Variants in CES1 observed in about 807,000 individuals in gnomAD.
CES1 encodes liver carboxylesterase 1.
In CES1, 50 loss-of-function variants were observed where a neutral mutation model predicts 53.0. The ratio of observed to expected loss-of-function variants is 0.94; its 90% CI spans 0.75 to 1.19. CES1 has a LOEUF of 1.19. Ranked by LOEUF, CES1 falls within the 50% of genes most tolerant of loss-of-function variation. The pLI is 0.00. For missense variants in CES1, 534 were observed against 538.0 expected (o/e 0.99, Z 0.07); for synonymous variants, 202 against 210.1 (o/e 0.96, Z 0.33).
Position 55,833,094 on chromosome 16 carries a change from T to G in CES1, c.-39A>C. The G allele has an allele frequency of 2.1e-6, 3 of 1,434,416 alleles. No individual in the cohort carries two copies. Among genetic ancestry groups the G allele is most frequent in the Non-Finnish European group, 2.9e-6 (3 of 1,043,578 alleles). The allele number at this position is 1,434,416 out of a possible 1,614,324, so 88.9% of individuals were successfully genotyped here. On this transcript the variant is annotated 5_prime_UTR_variant, in exon 1 of 14. Transcript: ENST00000360526. ...CAGTTCTCGGGGCCTGCGAGGTCTCTGTGCAGTTCAGAGGGACTGTGCTGT... is the reference window on the plus strand; with the variant it reads ...CAGTTCTCGGGGCCTGCGAGGTCTCGGTGCAGTTCAGAGGGACTGTGCTGT...
At chr16:55,816,836 C>T (rs1445564744) in intron 8 of CES1, 88 bp downstream of exon 8, 2 of 1,446,654 alleles carry the variant, frequency 1.4e-6, no homozygotes, top group Admixed American at 1.7e-5. Context: ...CTATAATTAC[C>T]CAAGAGATGA....
chr16:55,828,217 G>C (rs1169013482), intron 2 of CES1: 1 of 198,504 alleles, frequency 5.0e-6, no homozygotes, highest in Non-Finnish European at 1.1e-5. Context: ...TGGCCAGGGT[G>C]AATGGACACA....
At chr16:55,818,303 T>C (rs1192679815) in intron 7 of CES1, among the ~76,000 whole-genome samples, 1 of 152,218 alleles carries the variant, frequency 6.6e-6, no homozygotes, top group African/African-American at 2.4e-5. Flanking sequence ...CAAGTCCTAA[T>C]ATGTGAGGAT....
In CES1 at chr16:55,826,252, A is replaced by G. The variant is rs1453732651; in HGVS notation, c.304T>C (p.Phe102Leu). Residue 102 changes from phenylalanine to leucine, a missense_variant, in exon 3 of 14, where the codon TTT becomes CTT. Physicochemically the swap from Phe to Leu is conservative, Grantham distance 22. Coordinates refer to ENST00000360526, the MANE Select transcript of CES1 (RefSeq NM_001025195.2). ...PKAGQLLSEL[F>L]TNRKENIPLK... is the part of the protein sequence containing the mutation. ...GGAATGTTCTCCTTTCGGTTTGTAA[A>G]TAGCTCTGAGAGTAACTGCCCCGCC... is the stretch of plus-strand genomic sequence containing the variant. 6.2e-7 allele frequency: 1 copy of G among 1,614,006 alleles called. No homozygotes were observed. The highest frequency in any genetic ancestry group is 2.2e-5 in the East Asian group (1 of 44,886).
Position 55,812,909 on chromosome 16 carries a change from A to G in CES1, c.1080T>C (p.Ile360=). 1 of 1,614,128 alleles carries G rather than the reference A, an allele frequency of 6.2e-7. No individual in the cohort carries two copies. The highest frequency in any genetic ancestry group is 8.5e-7 in the Non-Finnish European group (1 of 1,180,028). ...CAGACATGTGCCTTCTCACCATTGG[A>G]ATCAACCAGCCAAACTCCTGCTTGT... The part of the protein sequence containing the change: ...GINKQEFGWL[I]PMQLMSYPLS... Residue 360 remains isoleucine, a synonymous_variant, in exon 9 of 14, where the codon ATT becomes ATC. Transcript: ENST00000360526.
intron 1 of CES1, among the ~76,000 whole-genome samples, chr16:55,830,091 G>A (rs1346272776): frequency 2.6e-5 from 4 of 152,296 alleles, no homozygotes; most frequent in Admixed American, 6.5e-5. Context: ...CAGACAAGAC[G>A]TCAACACCTC....
At chr16:55,829,061 G>T in intron 1 of CES1, 87 bp from the exon 2 acceptor site, 1 of 1,427,938 alleles carries the variant, frequency 7.0e-7, no homozygotes, top group South Asian at 1.2e-5. Flanking sequence ...CTAAGTGAGT[G>T]ACCTTAAATA....
At chr16:55,815,940 C>T (rs1422786812) in intron 8 of CES1, among the ~76,000 whole-genome samples, 1 of 152,298 alleles carries the variant, frequency 6.6e-6, no homozygotes, top group African/African-American at 2.4e-5. Context: ...AGCCTCAAGC[C>T]AGTCTGTCCC....
At chr16:55,810,687 C>T (rs556707878) in intron 10 of CES1, 23 bp from the exon 11 acceptor site, 50 of 1,613,736 alleles carry the variant, frequency 3.1e-5, no homozygotes, top group Non-Finnish European at 4.1e-5. Flanking sequence ...AAAAAGTGAC[C>T]ACCAGCCCCG....
intron 7 of CES1, among the ~76,000 whole-genome samples, chr16:55,817,470 A>G (rs765484440): frequency 6.6e-6 from 1 of 152,186 alleles, no homozygotes; most frequent in African/African-American, 2.4e-5. Flanking sequence ...ATCTCCCATT[A>G]GAAAGCCCTG....
At chr16:55,811,509 C>T (rs1360376029) in intron 9 of CES1, among the ~76,000 whole-genome samples, 2 of 152,174 alleles carry the variant, frequency 1.3e-5, no homozygotes, top group Admixed American at 6.5e-5. Flanking sequence ...CTGCACATCT[C>T]TACGCACATA....
chr16:55,810,886 C>T, intron 10 of CES1, 41 bp downstream of exon 10: 5 of 1,570,404 alleles, frequency 3.2e-6, no homozygotes, highest in Non-Finnish European at 4.4e-6. Flanking sequence ...CCTTGTCCCT[C>T]TCTGGGTCTC....
At chr16:55,814,696 C>T (rs2031854032) in intron 8 of CES1, among the ~76,000 whole-genome samples, 1 of 152,226 alleles carries the variant, frequency 6.6e-6, no homozygotes, top group Admixed American at 6.5e-5. Flanking sequence ...CTGTATTTCC[C>T]TTCTGGATAT....
Position 55,833,056 on chromosome 16 carries a change from C to A in CES1, c.-1G>T, listed in dbSNP as rs555419093. 1.1e-5 allele frequency: 17 copies of A among 1,558,656 alleles called. No homozygotes were observed. In the African/African-American group the frequency reaches 1.9e-4, roughly 18 times the overall value. ...CCAGGATAAAGGCACGGAGCCACAT[C>A]GTGGAAGGGCGACAGTTCTCGGGGC... On this transcript the variant is annotated 5_prime_UTR_variant, in exon 1 of 14. Transcript: ENST00000360526.
chr16:55,820,657 C>G (rs1691767193), intron 5 of CES1, among the ~76,000 whole-genome samples, 178 bp from the exon 6 acceptor site: 1 of 152,140 alleles, frequency 6.6e-6, no homozygotes, highest in Non-Finnish European at 1.5e-5. Context: ...CTCCCAGCAC[C>G]TCTCATCTGG....
At chr16:55,831,108 G>T (rs565064383) in intron 1 of CES1, among the ~76,000 whole-genome samples, 1 of 149,750 alleles carries the variant, frequency 6.7e-6, no homozygotes, top group Middle Eastern at 3.3e-3. Flanking sequence ...GGGTACATAC[G>T]GTGGATGTGT....
intron 7 of CES1, 39 bp downstream of exon 7, chr16:55,819,496 A>G (rs2032081188): frequency 1.1e-5 from 16 of 1,476,182 alleles, no homozygotes; most frequent in Non-Finnish European, 1.5e-5. Flanking sequence ...GTCTGGGACC[A>G]AGTTTACAGG....
chr16:55,832,425 T>C (rs12443580), intron 1 of CES1, among the ~76,000 whole-genome samples: 55,381 of 151,296 alleles, frequency 0.37, 10,555 homozygotes, highest in East Asian at 0.5. Context: ...TATTTATCCA[T>C]CCCTTTTTCG....
rs1347183603 is a variant in CES1 at position 55,828,904 on chromosome 16, T to G, written c.123A>C (p.Leu41Phe). 4.3e-6 allele frequency: 7 copies of G among 1,614,172 alleles called. No individual in the cohort carries two copies. In the Admixed American group the frequency reaches 1.2e-4, roughly 27 times the overall value. ...TGGCCACAGGCTGTGCAAATCCTTC[T>G]AAGCTGACGAACTTCCCCAGCACTT... ...HGKVLGKFVS[L>F]EGFAQPVAIF... Residue 41 changes from leucine (L) to phenylalanine (F), a missense_variant, in exon 2 of 14, where the codon TTA (leucine) becomes TTC (phenylalanine). Physicochemically the swap from Leu to Phe is conservative, Grantham distance 22. Coordinates refer to ENST00000360526, the MANE Select transcript of CES1 (RefSeq NM_001025195.2).
Sources: gnomAD v4.1 joint callset for allele counts (sites outside exome capture counted in the v4.1 genomes callset) on GRCh38, gnomAD v4.1.1 for gene constraint, MANE v1.5 for transcripts, NCBI Gene and HGNC (gene_info 2026-07-23, HGNC 2026-07-21) for gene names.